ADAMTS9: variants seen among roughly 807,000 people sequenced by gnomAD.
ADAMTS9 encodes the protein A disintegrin and metalloproteinase with thrombospondin motifs 9.
A neutral mutation model predicts 257.1 loss-of-function variants in ADAMTS9; 107 were observed. That is an observed-to-expected ratio of 0.42 (90% CI 0.36 to 0.49). The LOEUF (loss-of-function observed/expected upper bound fraction) is 0.49, where lower values mean the gene tolerates loss of function less well. Among genes scored for constraint, ADAMTS9 ranks in the 20% least tolerant of loss-of-function variants. The pLI, the probability that ADAMTS9 is intolerant of heterozygous loss-of-function variation, is 0.03. For missense variants in ADAMTS9, 2,353 were observed against 2,469.1 expected (o/e 0.95, Z 1.00); for synonymous variants, 982 against 880.9 (o/e 1.11, Z -2.03).
intron 16 of ADAMTS9, among the ~76,000 whole-genome samples, chr3:64,630,397 C>G (rs948745434): frequency 2.0e-5 from 3 of 152,112 alleles, no homozygotes; most frequent in African/African-American, 7.2e-5. Context: ...GACATCATCT[C>G]TATAAATAAG....
At chr3:64,659,473 C>CAA (rs60660621) in intron 3 of ADAMTS9, among the ~76,000 whole-genome samples, 7 of 90,664 alleles carry the variant, frequency 7.7e-5, no homozygotes, top group African/African-American at 1.8e-4. Flanking sequence ...CTGTCTCAAA[C>CAA]AAAAAAAAAA....
chr3:64,526,407 A>T (rs1200484096), intron 38 of ADAMTS9, among the ~76,000 whole-genome samples: 1 of 152,182 alleles, frequency 6.6e-6, no homozygotes, highest in African/African-American at 2.4e-5. Flanking sequence ...AAAAATTCGT[A>T]GGCATTTGAT....
At chr3:64,561,803 G>T in intron 29 of ADAMTS9, 52 bp from the exon 30 acceptor site, 1 of 925,666 alleles carries the variant, frequency 1.1e-6, no homozygotes, top group African/African-American at 1.7e-5. Flanking sequence ...ATTTTTTGGG[G>T]GGGCGGGGGG....
At chr3:64,633,368 G>A in intron 14 of ADAMTS9, 104 bp downstream of exon 14, 1 of 1,503,924 alleles carries the variant, frequency 6.6e-7, no homozygotes, top group Non-Finnish European at 9.0e-7. Flanking sequence ...CACTGCCCTG[G>A]CAACAGTGCA....
intron 31 of ADAMTS9, among the ~76,000 whole-genome samples, chr3:64,548,728 C>A (rs1228555751): frequency 6.6e-6 from 1 of 152,224 alleles, no homozygotes; most frequent in Non-Finnish European, 1.5e-5. Flanking sequence ...TAGCTGATAT[C>A]AGCATTGTGA....
chr3:64,622,659 C>T, intron 16 of ADAMTS9, 73 bp from the exon 17 acceptor site: 2 of 1,532,348 alleles, frequency 1.3e-6, no homozygotes, highest in Non-Finnish European at 1.8e-6. Context: ...GAAGTAACAT[C>T]TGGATAGGTA....
Position 64,539,202 on chromosome 3 carries a change from C to A in ADAMTS9, c.5613+1G>T. ...CAAGGGGGAAGGCACCAAGGACATA[C>A]CTGTGGGCACTTGGCAGCGCTGTAG... On this transcript the variant is annotated splice_donor_variant, in intron 37 of 39. Transcript: ENST00000498707. LOFTEE classifies it high-confidence loss of function. The A allele has an allele frequency of 6.2e-7, 1 of 1,612,912 alleles. No individual in the cohort carries two copies. Among genetic ancestry groups the A allele is most frequent in the Non-Finnish European group, 8.5e-7 (1 of 1,178,898 alleles).
At chr3:64,517,844 A>T (rs1238947619) in intron 39 of ADAMTS9, among the ~76,000 whole-genome samples, 1 of 152,070 alleles carries the variant, frequency 6.6e-6, no homozygotes, top group Non-Finnish European at 1.5e-5. Flanking sequence ...TGATTTTTCC[A>T]TGCCTCCATC....
In ADAMTS9 at chr3:64,561,674, C is replaced by A; in HGVS notation, c.4602G>T (p.Glu1534Asp). The change falls in exon 30 of 40, where the codon GAG becomes GAT. Residue 1534 changes from glutamate to aspartate, a missense_variant. This residue lies in a region of ADAMTS9 where 1,402 missense variants were observed against 1,441.4 expected (regional missense o/e 0.97). Transcript: ENST00000498707. Reference protein sequence around the residue: ...CQIGTHKIARETECNPYTRPE... With the variant: ...CQIGTHKIARDTECNPYTRPE... ...GTCTGGTGTATGGGTTGCACTCGGT[C>A]TCTCTGGCTATTTTGTGTGTTCCGA... 6.2e-7 allele frequency: 1 copy of A among 1,614,008 alleles called. No individual in the cohort carries two copies. Among genetic ancestry groups the A allele is most frequent in the Non-Finnish European group, 8.5e-7 (1 of 1,179,994 alleles).
intron 38 of ADAMTS9, among the ~76,000 whole-genome samples, chr3:64,528,313 A>T (rs946435173): frequency 6.6e-6 from 1 of 152,124 alleles, no homozygotes; most frequent in African/African-American, 2.4e-5. Flanking sequence ...GGCTGAAGGG[A>T]ACTTTCACAT....
intron 22 of ADAMTS9, among the ~76,000 whole-genome samples, chr3:64,612,473 A>G (rs997686985): frequency 2.0e-5 from 3 of 152,228 alleles, no homozygotes; most frequent in Non-Finnish European, 2.9e-5. Flanking sequence ...AAGATTCAGA[A>G]AAGTGCCCAT....
intron 3 of ADAMTS9, among the ~76,000 whole-genome samples, chr3:64,669,740 G>C (rs1322514318): frequency 2.0e-5 from 3 of 152,100 alleles, no homozygotes; most frequent in Non-Finnish European, 2.9e-5. Flanking sequence ...AACTCCAAAA[G>C]AGAGAGAACA....
chr3:64,555,162 T>C (rs1189329656), intron 30 of ADAMTS9, among the ~76,000 whole-genome samples: 1 of 152,200 alleles, frequency 6.6e-6, no homozygotes, highest in African/African-American at 2.4e-5. Context: ...CCTGGGTTTT[T>C]ATGTCATGAG....
At chr3:64,637,351 C>G (rs1576146502) in intron 12 of ADAMTS9, among the ~76,000 whole-genome samples, 2 of 152,146 alleles carry the variant, frequency 1.3e-5, no homozygotes, top group East Asian at 3.9e-4. Flanking sequence ...CCACACTTCC[C>G]AACTATTAAG....
chr3:64,533,712 C>T (rs968827112), intron 37 of ADAMTS9, among the ~76,000 whole-genome samples: 6 of 152,202 alleles, frequency 3.9e-5, no homozygotes, highest in Non-Finnish European at 7.3e-5. Flanking sequence ...TCCTGGGCTT[C>T]CAGCTCCCTG....
At chr3:64,563,610 T>G (rs1388460356) in intron 29 of ADAMTS9, among the ~76,000 whole-genome samples, 2 of 152,232 alleles carry the variant, frequency 1.3e-5, no homozygotes, top group Admixed American at 1.3e-4. Context: ...GGCACGGTAC[T>G]AAGAGCCATA....
At position 64,631,689 on chromosome 3, in the gene ADAMTS9, C is replaced by T. The variant is rs139789367; in HGVS notation, c.2293+119G>A. The T allele has an allele frequency of 6.8e-6, 8 of 1,182,956 alleles. No homozygotes were observed. In the East Asian group the frequency reaches 1.6e-4, roughly 24 times the overall value. The allele number at this position is 1,182,956 out of a possible 1,614,324, so 73.3% of individuals were successfully genotyped here. A position where few individuals can be genotyped will look rare whatever the true frequency, so the allele number is the denominator to read the frequency against. On this transcript the variant is annotated intron_variant, in intron 15 of 39. Coordinates refer to ENST00000498707, the MANE Select transcript of ADAMTS9 (RefSeq NM_182920.2). ...AGGTGCCTTCTAGTCGATGGATAAT[C>T]CACCATAACGAGACTGATTTTTATG...
chr3:64,664,674 T>C (rs772191523), intron 3 of ADAMTS9, among the ~76,000 whole-genome samples: 10 of 152,350 alleles, frequency 6.6e-5, no homozygotes, highest in Non-Finnish European at 1.5e-4. Flanking sequence ...CCATTCATCA[T>C]TGGTGGACAT....
rs1026330739 is a variant in ADAMTS9, at chr3:64,541,676, T to G, written c.5198-56A>C. ...GTGATGATCCGAGATGTGAATTATCTGCCTATAGAATGAATGACATTGTTC... is the reference window on the plus strand; with the variant it reads ...GTGATGATCCGAGATGTGAATTATCGGCCTATAGAATGAATGACATTGTTC... On this transcript the variant is annotated intron_variant, in intron 33 of 39. Coordinates refer to ENST00000498707, the MANE Select transcript of ADAMTS9 (RefSeq NM_182920.2). 1.9e-6 allele frequency: 3 copies of G among 1,562,404 alleles called. No homozygotes were observed. In the East Asian group the frequency reaches 6.7e-5, roughly 35 times the overall value.
Sources: allele counts gnomAD v4.1 joint callset (sites outside exome capture counted in the v4.1 genomes callset), GRCh38; gene constraint gnomAD v4.1.1; regional missense constraint gnomAD v4.1.1; transcripts MANE v1.5; gene names NCBI Gene and HGNC (gene_info 2026-07-23, HGNC 2026-07-21).